The following IMMP2L variants were observed in gnomAD, a reference collection of about 807,000 sequenced individuals.
IMMP2L encodes the protein inner mitochondrial membrane peptidase subunit 2.
Under a neutral mutation model 19.3 loss-of-function variants are expected in IMMP2L, and 18 were observed. The observed-to-expected ratio is 0.93, with a 90% CI of 0.64 to 1.38. IMMP2L has a LOEUF of 1.38. Ranked by LOEUF, IMMP2L falls within the 40% of genes most tolerant of loss-of-function variation. The pLI, the probability that IMMP2L is intolerant of heterozygous loss-of-function variation, is 0.00. For synonymous variants in IMMP2L, 76 were observed against 73.0 expected (o/e 1.04, Z -0.21); for missense variants, 233 against 218.2 (o/e 1.07, Z -0.43).
chr7:111,484,498 C>T (rs185004517), intron 3 of IMMP2L, among the ~76,000 whole-genome samples: 2 of 151,956 alleles, frequency 1.3e-5, no homozygotes, highest in African/African-American at 4.8e-5. Flanking sequence ...AACAAAATTA[C>T]GAAGTGTATT....
At chr7:111,187,536 T>C (rs556018839) in intron 3 of IMMP2L, among the ~76,000 whole-genome samples, 2 of 152,254 alleles carry the variant, frequency 1.3e-5, no homozygotes, top group African/African-American at 2.4e-5. Flanking sequence ...GCCTTACTCA[T>C]AGTATGGAGC....
intron 3 of IMMP2L, among the ~76,000 whole-genome samples, chr7:110,967,307 C>T (rs1410940929): frequency 6.6e-6 from 1 of 151,948 alleles, no homozygotes; most frequent in Non-Finnish European, 1.5e-5. Flanking sequence ...GTTGGGAGCA[C>T]TTGAAAGCTA....
chr7:111,427,801 A>T (rs994062337), intron 3 of IMMP2L, among the ~76,000 whole-genome samples: 2 of 151,854 alleles, frequency 1.3e-5, no homozygotes, highest in Admixed American at 6.6e-5. Flanking sequence ...ATATCAAAAA[A>T]TTTTAAAATA....
intron 3 of IMMP2L, among the ~76,000 whole-genome samples, chr7:111,458,393 C>A (rs539640354): frequency 9.9e-5 from 15 of 151,864 alleles, no homozygotes; most frequent in Non-Finnish European, 1.3e-4. Context: ...AAAAAAAAAA[C>A]TTATGGAATG....
chr7:111,022,924 G>T (rs1448848710), intron 3 of IMMP2L, among the ~76,000 whole-genome samples: 1 of 152,124 alleles, frequency 6.6e-6, no homozygotes, highest in African/African-American at 2.4e-5. Flanking sequence ...GAGAAAGACA[G>T]CAAATACACA....
At chr7:111,163,187 C>T (rs1805454382) in intron 3 of IMMP2L, among the ~76,000 whole-genome samples, 2 of 152,036 alleles carry the variant, frequency 1.3e-5, no homozygotes, top group Admixed American at 1.3e-4. Flanking sequence ...GGAGTTAAGG[C>T]CCAACTTCGA....
intron 3 of IMMP2L, among the ~76,000 whole-genome samples, chr7:111,237,740 T>C (rs1156681116): frequency 6.6e-6 from 1 of 151,944 alleles, no homozygotes; most frequent in African/African-American, 2.4e-5. Flanking sequence ...AGGGTTCAAT[T>C]AGTCCAATCT....
chr7:111,166,912 G>A (rs987158572), intron 3 of IMMP2L, among the ~76,000 whole-genome samples: 1 of 151,868 alleles, frequency 6.6e-6, no homozygotes, highest in Non-Finnish European at 1.5e-5. Context: ...GATAATCCAG[G>A]ATAATCTCAT....
chr7:111,194,957 G>C (rs943091706), intron 3 of IMMP2L, among the ~76,000 whole-genome samples: 5 of 151,966 alleles, frequency 3.3e-5, no homozygotes, highest in African/African-American at 1.2e-4. Context: ...CGTTTTCATA[G>C]ATGATTTTCC....
At chr7:111,521,115 T>C (rs1846286678) in intron 2 of IMMP2L, among the ~76,000 whole-genome samples, 198 bp downstream of exon 2, 2 of 152,160 alleles carry the variant, frequency 1.3e-5, no homozygotes, top group African/African-American at 4.8e-5. Context: ...ATAGTTACTT[T>C]TATTAACCTC....
intron 4 of IMMP2L, among the ~76,000 whole-genome samples, chr7:110,945,565 C>T (rs1817171848): frequency 1.3e-5 from 2 of 151,956 alleles, no homozygotes; most frequent in Admixed American, 6.6e-5. Flanking sequence ...GGAGAACAGT[C>T]TTCCTTCTAC....
chr7:110,958,543 A>G (rs1387908481), intron 4 of IMMP2L, among the ~76,000 whole-genome samples: 3 of 152,080 alleles, frequency 2.0e-5, no homozygotes, highest in African/African-American at 4.8e-5. Flanking sequence ...AATGCTGAGC[A>G]AAGTGACTGC....
chr7:110,725,711 C>T (rs1273263121), intron 5 of IMMP2L: 2 of 152,136 alleles, frequency 1.3e-5, no homozygotes, highest in East Asian at 1.9e-4. Flanking sequence ...CCTTGGTCCC[C>T]TGTGACAAGG....
intron 5 of IMMP2L, among the ~76,000 whole-genome samples, chr7:110,832,214 T>C (rs548143937): frequency 4.6e-5 from 7 of 152,194 alleles, no homozygotes; most frequent in Admixed American, 2.6e-4. Flanking sequence ...TGAGCCGAGA[T>C]TGCACCACTG....
At chr7:110,737,262 G>C (rs1000816929) in intron 5 of IMMP2L, among the ~76,000 whole-genome samples, 2 of 152,164 alleles carry the variant, frequency 1.3e-5, no homozygotes, top group African/African-American at 2.4e-5. Flanking sequence ...TCAATGGGGA[G>C]GTTTGTGGTC....
intron 5 of IMMP2L, among the ~76,000 whole-genome samples, chr7:110,745,934 C>T (rs940740204): frequency 2.0e-5 from 3 of 152,056 alleles, no homozygotes; most frequent in Non-Finnish European, 4.4e-5. Flanking sequence ...GCTAAATGCT[C>T]CAATTAAAAG....
chr7:111,190,533 T>C lies in IMMP2L; in HGVS notation c.240-226968A>G, dbSNP rs185504235. Among the ~76,000 whole-genome samples, 103 of 152,108 alleles carry C rather than the reference T, an allele frequency of 6.8e-4. No homozygotes were observed. In the South Asian group the frequency reaches 9.1e-3, roughly 13 times the overall value. ...ACTCCGTTATGCACCAATAGAACAA[T>C]AGGAACGTAAGGTAGAGAAAAGTGG... On this transcript the variant is annotated intron_variant, in intron 3 of 5. Transcript: ENST00000405709.
chr7:110,963,263 TTTAAA>T (rs1164132766), intron 4 of IMMP2L, among the ~76,000 whole-genome samples: 1 of 152,006 alleles, frequency 6.6e-6, no homozygotes, highest in African/African-American at 2.4e-5. Context: ...ATATGGTTAA[TTTAAA>T]TTAATATTTA....
intron 3 of IMMP2L, among the ~76,000 whole-genome samples, chr7:111,482,635 T>TA (rs984428853): frequency 6.6e-5 from 10 of 151,220 alleles, no homozygotes; most frequent in Non-Finnish European, 7.4e-5. Flanking sequence ...TCCAAGAAAC[T>TA]AAAAAAAAAC....
Sources: allele counts gnomAD v4.1 joint callset (sites outside exome capture counted in the v4.1 genomes callset), GRCh38; gene constraint gnomAD v4.1.1; transcripts MANE v1.5; gene names NCBI Gene and HGNC (gene_info 2026-07-23, HGNC 2026-07-21).